GLDN: variants seen among roughly 807,000 people sequenced by gnomAD.
GLDN encodes the protein gliomedin.
A neutral mutation model predicts 56.5 loss-of-function variants in GLDN; 47 were observed. That is an observed-to-expected ratio of 0.83 (90% CI 0.66 to 1.06). The LOEUF (loss-of-function observed/expected upper bound fraction) is 1.06, where lower values mean the gene tolerates loss of function less well. Ranked by LOEUF, GLDN falls within the 50% of genes least tolerant of loss-of-function variation. The pLI is 0.00. For synonymous variants in GLDN, 332 were observed against 278.8 expected, an observed-to-expected ratio of 1.19 and a Z score of -1.90; for missense variants, 782 against 714.3, an observed-to-expected ratio of 1.09 and a Z score of -1.08.
rs1038973839 is a variant in GLDN, at chr15:51,402,345, C to T, written c.1178+602C>T. On this transcript the variant is annotated intron_variant, in intron 9 of 9. Transcript: ENST00000335449. ...TTGCTGAAGTTCTGTCTTTAGGGTT[C>T]AAGAAGAGGAAATCAAGCTCTGGCC... 2.0e-5 allele frequency among the ~76,000 whole-genome samples: 3 copies of T among 151,068 alleles called. No homozygotes were observed. In the South Asian group the frequency reaches 6.2e-4, roughly 31 times the overall value.
chr15:51,374,671 T>C lies in GLDN; in HGVS notation c.364-2778T>C, dbSNP rs115828859. Among the ~76,000 whole-genome samples, 330 of 152,234 alleles carry C rather than the reference T, an allele frequency of 2.2e-3. 2 individuals carry two copies. Among genetic ancestry groups the C allele is most frequent in the African/African-American group, 7.1e-3 (295 of 41,566 alleles). On this transcript the variant is annotated intron_variant, in intron 1 of 9. Transcript: ENST00000335449. Reference sequence around the variant, plus strand: ...ATTGGTAAACTTCCATTTCATTTCATATATATGTGTTTGTCATATTATTCA... The same window carrying C: ...ATTGGTAAACTTCCATTTCATTTCACATATATGTGTTTGTCATATTATTCA...
chr15:51,413,317 TCTAA>T, the GLDN span, among the ~76,000 whole-genome samples: 40 of 151,972 alleles, frequency 2.6e-4, no homozygotes, highest in Middle Eastern at 6.8e-3. Context: ...GAACATCAAA[TCTAA>T]CTACTATCTA....
intron 4 of GLDN, among the ~76,000 whole-genome samples, chr15:51,392,166 G>T (rs1001645966): frequency 3.3e-5 from 5 of 152,186 alleles, no homozygotes; most frequent in African/African-American, 9.7e-5. Flanking sequence ...AAGGTGCTAA[G>T]AGCTCCAGGT....
chr15:51,410,630 C>T (rs1262389076), downstream of GLDN, among the ~76,000 whole-genome samples: 1 of 152,182 alleles, frequency 6.6e-6, no homozygotes, highest in Non-Finnish European at 1.5e-5. Context: ...GACTAAACTC[C>T]ATCTCAGAGT....
At chr15:51,359,050 C>T (rs2037241237) in intron 1 of GLDN, among the ~76,000 whole-genome samples, 1 of 152,178 alleles carries the variant, frequency 6.6e-6, no homozygotes, top group East Asian at 1.9e-4. Context: ...GGCTCCCCCT[C>T]CCACTAGTAA....
intron 1 of GLDN, among the ~76,000 whole-genome samples, chr15:51,375,739 G>A (rs147754563): frequency 3.3e-5 from 5 of 152,280 alleles, no homozygotes; most frequent in Non-Finnish European, 5.9e-5. Context: ...CAGTTTCCAC[G>A]TGCCAGGGAC....
intron 1 of GLDN, among the ~76,000 whole-genome samples, chr15:51,356,650 CT>C (rs1298048020): frequency 6.6e-6 from 1 of 152,012 alleles, no homozygotes; most frequent in Non-Finnish European, 1.5e-5. Context: ...TCACTTGTGG[CT>C]CCCCATCAGC....
At chr15:51,410,997 T>C (rs911989768), downstream of GLDN, among the ~76,000 whole-genome samples, 4 of 152,142 alleles carry the variant, frequency 2.6e-5, no homozygotes, top group Admixed American at 6.5e-5. Flanking sequence ...GCTCAAACTT[T>C]CATTGGTGAT....
intron 1 of GLDN, among the ~76,000 whole-genome samples, chr15:51,361,253 G>A (rs1404377430): frequency 6.6e-6 from 1 of 152,038 alleles, no homozygotes; most frequent in East Asian, 1.9e-4. Context: ...TCAAACTTTG[G>A]TTTTCTACAA....
downstream of GLDN, among the ~76,000 whole-genome samples, chr15:51,409,176 C>G (rs533252263): frequency 2.0e-5 from 3 of 150,846 alleles, no homozygotes; most frequent in Non-Finnish European, 4.4e-5. Flanking sequence ...GATCAGGTAA[C>G]GCTGTCACAA....
At chr15:51,402,186 C>A (rs751380466) in intron 9 of GLDN, among the ~76,000 whole-genome samples, 2 of 152,218 alleles carry the variant, frequency 1.3e-5, no homozygotes, top group African/African-American at 4.8e-5. Context: ...CCTAGTCAAG[C>A]GTCTCTGCCT....
intron 1 of GLDN, among the ~76,000 whole-genome samples, chr15:51,346,941 C>T (rs1243324089): frequency 1.3e-5 from 2 of 152,134 alleles, no homozygotes; most frequent in Non-Finnish European, 2.9e-5. Context: ...TGGTGAGTGC[C>T]TGTAATCCCA....
At chr15:51,345,889 G>A (rs2036969557) in intron 1 of GLDN, among the ~76,000 whole-genome samples, 1 of 152,072 alleles carries the variant, frequency 6.6e-6, no homozygotes, top group African/African-American at 2.4e-5. Flanking sequence ...TGGGAAACAA[G>A]GTATTAAAAT....
At chr15:51,349,985 T>G (rs1310942846) in intron 1 of GLDN, among the ~76,000 whole-genome samples, 1 of 152,068 alleles carries the variant, frequency 6.6e-6, no homozygotes, top group Non-Finnish European at 1.5e-5. Context: ...CCTCGTGATC[T>G]GCCCGCCTCA....
chr15:51,401,919 C>T (rs1321995874), intron 9 of GLDN, among the ~76,000 whole-genome samples, 176 bp downstream of exon 9: 2 of 152,154 alleles, frequency 1.3e-5, no homozygotes, highest in Admixed American at 1.3e-4. Context: ...GTTAGTGAGC[C>T]CCATGGCCCA....
intron 4 of GLDN, 80 bp from the exon 5 acceptor site, chr15:51,394,755 G>T (rs1162759829): frequency 2.7e-6 from 4 of 1,471,016 alleles, no homozygotes; most frequent in East Asian, 4.6e-5. Context: ...TCCCTGGAAA[G>T]CACAAAGCAC....
At chr15:51,348,506 AT>A (rs898650496) in intron 1 of GLDN, among the ~76,000 whole-genome samples, 39 of 151,286 alleles carry the variant, frequency 2.6e-4, no homozygotes, top group Non-Finnish European at 4.9e-4. Context: ...ATTAAAAAAA[AT>A]TTTTTTTCTT....
At position 51,383,903 on chromosome 15, in the gene GLDN, C is replaced by T. The variant is rs374071314; in HGVS notation, c.541+11C>T. On this transcript the variant is annotated intron_variant, in intron 4 of 9. Transcript: ENST00000335449. ...AAAGAGGAAAAATGGGTATTTTTGG[C>T]AACTCTTCTAATTAATTTCCCTGTT... The T allele has an allele frequency of 2.6e-5, 40 of 1,550,262 alleles. No homozygotes were observed. In the African/African-American group the frequency reaches 4.3e-4, roughly 17 times the overall value.
intron 1 of GLDN, among the ~76,000 whole-genome samples, chr15:51,365,419 T>C (rs1177725498): frequency 1.3e-5 from 2 of 152,218 alleles, no homozygotes; most frequent in African/African-American, 4.8e-5. Flanking sequence ...ATAATGTTTA[T>C]TGAGAATGTA....
Sources: allele counts gnomAD v4.1 joint callset (sites outside exome capture counted in the v4.1 genomes callset), GRCh38; gene constraint gnomAD v4.1.1; transcripts MANE v1.5; gene names NCBI Gene and HGNC (gene_info 2026-07-23, HGNC 2026-07-21).